The following THADA variants were observed in gnomAD, a reference collection of about 807,000 sequenced individuals.
THADA encodes the protein THADA armadillo repeat containing.
THADA carries 213 observed loss-of-function variants against 219.8 expected under a neutral mutation model. The observed-to-expected ratio is 0.97, with a 90% confidence interval of 0.87 to 1.09. The LOEUF (loss-of-function observed/expected upper bound fraction) is 1.09. Ranked by LOEUF, THADA falls within the 50% of genes least tolerant of loss-of-function variation. THADA has a pLI of 0.00. For synonymous variants in THADA, 1,018 were observed against 828.9 expected, an observed-to-expected ratio of 1.23 and a Z score of -3.92; for missense variants, 2,956 against 2,311.3, an observed-to-expected ratio of 1.28 and a Z score of -5.72.
chr2:43,531,621 C>T (rs975201731), intron 21 of THADA, among the ~76,000 whole-genome samples: 19 of 152,136 alleles, frequency 1.2e-4, no homozygotes, highest in African/African-American at 4.6e-4. Context: ...AAACCACTTA[C>T]AAAATTAATA....
intron 24 of THADA, among the ~76,000 whole-genome samples, chr2:43,504,071 TA>T (rs372128339): frequency 3.4e-4 from 49 of 143,790 alleles, no homozygotes; most frequent in African/African-American, 7.9e-4. Context: ...GCCAAAATAA[TA>T]AAAAAAAAAA....
chr2:43,588,551 T>TAACATTTCATTCTA (rs1213987413), intron 4 of THADA, among the ~76,000 whole-genome samples: 2 of 152,150 alleles, frequency 1.3e-5, no homozygotes, highest in African/African-American at 4.8e-5. Flanking sequence ...CAAGAAAATG[T>TAACATTTCATTCTA]ACAAAGAATA....
intron 25 of THADA, chr2:43,486,667 A>G (rs1437200599): frequency 6.6e-6 from 1 of 152,236 alleles, no homozygotes; most frequent in Non-Finnish European, 1.5e-5. Flanking sequence ...TGCTCACAGG[A>G]AAAGTGAGTG....
chr2:43,279,872 C>G lies in THADA; in HGVS notation c.5189G>C (p.Trp1730Ser), dbSNP rs770010052. ...ILELQDTLALWKCVLTLLQSE... is the reference protein window; with the variant it reads ...ILELQDTLALSKCVLTLLQSE... ...CTGCAGAAGGGTAAGGACACACTTC[C>G]AGAGAGCAAGTGTATCCTGCAACTC... Residue 1730 changes from tryptophan (W) to serine (S), a missense_variant, in exon 36 of 38, where the codon TGG (tryptophan) becomes TCG (serine). Transcript: ENST00000405975. 6 of 1,558,706 alleles carry G rather than the reference C, an allele frequency of 3.8e-6. No homozygotes were observed. In the Admixed American group the frequency reaches 1.0e-4, roughly 27 times the overall value.
At chr2:43,423,461 C>G (rs1432061343) in intron 28 of THADA, among the ~76,000 whole-genome samples, 1 of 145,940 alleles carries the variant, frequency 6.9e-6, no homozygotes, top group Non-Finnish European at 1.5e-5. Context: ...GAGACGGAGT[C>G]TTGCTCTGTC....
intron 25 of THADA, among the ~76,000 whole-genome samples, chr2:43,490,573 G>C (rs996772384): frequency 1.3e-5 from 2 of 151,900 alleles, no homozygotes; most frequent in African/African-American, 4.8e-5. Flanking sequence ...TTAATAATGT[G>C]GGTTTTGTTC....
chr2:43,425,199 TTCC>T (rs755121436), intron 28 of THADA, among the ~76,000 whole-genome samples: 15 of 152,150 alleles, frequency 9.9e-5, no homozygotes, highest in Admixed American at 2.6e-4. Flanking sequence ...GAACCTCAAT[TTCC>T]TCAACGGGCA....
At chr2:43,297,393 A>G (rs1572963063) in intron 31 of THADA, among the ~76,000 whole-genome samples, 3 of 87,204 alleles carry the variant, frequency 3.4e-5, no homozygotes, top group African/African-American at 8.6e-5. Flanking sequence ...CAGCCACCCC[A>G]TCTGGGAAGT....
chr2:43,274,242 A>C (rs954722897), intron 36 of THADA, among the ~76,000 whole-genome samples: 1 of 152,150 alleles, frequency 6.6e-6, no homozygotes, highest in African/African-American at 2.4e-5. Context: ...ACAGGCTGCA[A>C]ACTCAGCCTA....
chr2:43,448,887 CCAA>C (rs1012494847), intron 26 of THADA, among the ~76,000 whole-genome samples: 3 of 151,956 alleles, frequency 2.0e-5, no homozygotes, highest in Non-Finnish European at 2.9e-5. Context: ...CATCCTGTTT[CCAA>C]CAACAACAAC....
intron 23 of THADA, among the ~76,000 whole-genome samples, chr2:43,506,618 G>T (rs1573986085): frequency 6.6e-6 from 1 of 152,220 alleles, no homozygotes; most frequent in African/African-American, 2.4e-5. Context: ...GAGTATGGGA[G>T]GTTTCATGGG....
intron 36 of THADA, among the ~76,000 whole-genome samples, chr2:43,244,328 G>A (rs926755909): frequency 6.6e-6 from 1 of 152,192 alleles, no homozygotes; most frequent in Non-Finnish European, 1.5e-5. Flanking sequence ...AACCACAGTA[G>A]CAAATAAGGA....
chr2:43,574,592 T>C lies in THADA; in HGVS notation c.1473A>G (p.Val491=). The C allele has an allele frequency of 6.2e-7, 1 of 1,613,990 alleles. No individual in the cohort carries two copies. The highest frequency in any genetic ancestry group is 8.5e-7 in the Non-Finnish European group (1 of 1,179,884). The change falls in exon 11 of 38, where the codon GTA becomes GTG. Residue 491 remains valine (V), a synonymous_variant. Coordinates refer to ENST00000405975, the MANE Select transcript of THADA (RefSeq NM_022065.5). ...TTTCCAAGAGGTCACTTGCATAAGG[T>C]ACCAATGACTGGTCTCCCATCACCT... The part of the protein sequence containing the change: ...ILEVMGDQSL[V]PYASDLLETM...
Position 43,497,741 on chromosome 2 carries a change from T to C in THADA, c.3744+1092A>G, listed in dbSNP as rs375086804. Among the ~76,000 whole-genome samples, 106 of 152,094 alleles carry C rather than the reference T, an allele frequency of 7.0e-4. No homozygotes were observed. The East Asian group carries it at 0.016, about 23-fold the overall frequency. ...CTCTACCAAAAATACAAAAATTAGC[T>C]GGGTGTGGTGGCATCCACTTGTAGT... On this transcript the variant is annotated intron_variant, in intron 25 of 37. Transcript: ENST00000405975.
intron 10 of THADA, among the ~76,000 whole-genome samples, chr2:43,575,261 C>T (rs1699738000): frequency 6.6e-6 from 1 of 152,098 alleles, no homozygotes; most frequent in Admixed American, 6.5e-5. Context: ...TCAGCCTAGG[C>T]AATATAGTGA....
intron 29 of THADA, among the ~76,000 whole-genome samples, chr2:43,366,629 C>T (rs944034123): frequency 2.6e-5 from 4 of 152,122 alleles, no homozygotes; most frequent in Non-Finnish European, 5.9e-5. Context: ...GAAACCTAGG[C>T]CAACAAGCAA....
chr2:43,288,356 T>G (rs1674299045), intron 34 of THADA, among the ~76,000 whole-genome samples: 1 of 152,228 alleles, frequency 6.6e-6, no homozygotes, highest in Non-Finnish European at 1.5e-5. Context: ...GGGCGGAGGC[T>G]GCAGTGAGCC....
At chr2:43,325,695 G>A (rs1179178423) in intron 30 of THADA, among the ~76,000 whole-genome samples, 2 of 152,036 alleles carry the variant, frequency 1.3e-5, no homozygotes, top group African/African-American at 4.8e-5. Context: ...AGGACAGAGG[G>A]CAGGAGATTT....
In THADA at chr2:43,514,697, A is replaced by ATG. The variant is rs1558888231; in HGVS notation, c.3375-5918_3375-5917insCA. ...TAATATATTATATTATATATAATAT[A>ATG]TATAATATATATATAAATATATATT... On this transcript the variant is annotated intron_variant, in intron 22 of 37. Coordinates refer to ENST00000405975, the MANE Select transcript of THADA (RefSeq NM_022065.5). Among the ~76,000 whole-genome samples, 152 of 83,278 alleles carry ATG rather than the reference A, an allele frequency of 1.8e-3. 26 individuals carry two copies. Among genetic ancestry groups the ATG allele is most frequent in the African/African-American group, 8.0e-3 (147 of 18,302 alleles). The allele number at this position is 83,278 out of a possible 152,430, so 54.6% of individuals were successfully genotyped here.
Sources: allele counts gnomAD v4.1 joint callset (sites outside exome capture counted in the v4.1 genomes callset), GRCh38; gene constraint gnomAD v4.1.1; transcripts MANE v1.5; gene names NCBI Gene and HGNC (gene_info 2026-07-23, HGNC 2026-07-21).